The following TSPAN13 variants were observed in gnomAD, a reference collection of about 807,000 sequenced individuals.
TSPAN13 encodes the protein tetraspanin 13.
A neutral mutation model predicts 26.9 loss-of-function variants in TSPAN13; 18 were observed. The ratio of observed to expected loss-of-function variants is 0.67; its 90% CI spans 0.46 to 0.99. The LOEUF (loss-of-function observed/expected upper bound fraction) is 0.99. TSPAN13 is among the 50% of genes least tolerant of loss of function. The pLI, the probability that TSPAN13 is intolerant of heterozygous loss-of-function variation, is 0.00. For synonymous variants in TSPAN13, 116 were observed against 98.4 expected, an observed-to-expected ratio of 1.18 and a Z score of -1.06; for missense variants, 201 against 249.6, an observed-to-expected ratio of 0.81 and a Z score of 1.31.
At chr7:16,770,774 C>T (rs1037032333) in intron 1 of TSPAN13, among the ~76,000 whole-genome samples, 1 of 152,168 alleles carries the variant, frequency 6.6e-6, no homozygotes, top group African/African-American at 2.4e-5. Flanking sequence ...GCTTTTCTCC[C>T]CCAAATGCCG....
intron 3 of TSPAN13, among the ~76,000 whole-genome samples, chr7:16,777,351 G>C (rs1342420786): frequency 7.2e-5 from 11 of 152,036 alleles, no homozygotes. Context: ...GCTTTCACTG[G>C]GTTAAAAAGT....
At chr7:16,758,026 G>A (rs777434790) in intron 1 of TSPAN13, among the ~76,000 whole-genome samples, 1 of 152,034 alleles carries the variant, frequency 6.6e-6, no homozygotes, top group African/African-American at 2.4e-5. Flanking sequence ...GTAGAGACGG[G>A]GTTTCGCCGT....
intron 1 of TSPAN13, among the ~76,000 whole-genome samples, chr7:16,759,545 A>G (rs1258778911): frequency 2.0e-5 from 3 of 152,188 alleles, no homozygotes; most frequent in African/African-American, 7.2e-5. Flanking sequence ...ACATTTCAAC[A>G]TGAGATTTGG....
intron 1 of TSPAN13, among the ~76,000 whole-genome samples, chr7:16,772,379 A>G (rs1232339205): frequency 2.6e-5 from 4 of 152,156 alleles, no homozygotes; most frequent in African/African-American, 9.7e-5. Context: ...GACTCAAAAT[A>G]ACAGAAATTT....
chr7:16,773,902 A>G (rs184793669), intron 1 of TSPAN13, among the ~76,000 whole-genome samples: 71 of 152,344 alleles, frequency 4.7e-4, no homozygotes, highest in African/African-American at 1.6e-3. Flanking sequence ...CATCACACCC[A>G]GGACTTGGGT....
chr7:16,778,290 T>C (rs1339462407), intron 4 of TSPAN13, among the ~76,000 whole-genome samples: 2 of 152,256 alleles, frequency 1.3e-5, no homozygotes, highest in African/African-American at 2.4e-5. Flanking sequence ...GAGGCTTCTT[T>C]TGTGAGATTA....
In TSPAN13 at chr7:16,753,792, T is replaced by C; in HGVS notation, c.-176T>C. On this transcript the variant is annotated 5_prime_UTR_variant, in exon 1 of 6. Transcript: ENST00000262067. ...CGGCGGCCGCAGGTTCCAAAGCGGG[T>C]CCGAGCCGCCGCCGCGCGCGCGCCG... 1.9e-6 allele frequency: 1 copy of C among 516,926 alleles called. No homozygotes were observed. The highest frequency in any genetic ancestry group is 3.2e-6 in the Non-Finnish European group (1 of 308,754). The allele number at this position is 516,926 out of a possible 1,614,324, so 32.0% of individuals were successfully genotyped here.
intron 1 of TSPAN13, among the ~76,000 whole-genome samples, chr7:16,768,275 A>G (rs1784631320): frequency 6.6e-6 from 1 of 152,026 alleles, no homozygotes; most frequent in Non-Finnish European, 1.5e-5. Context: ...TGTCTCTCAC[A>G]TTTGTCTCGT....
At chr7:16,755,268 A>G (rs1457051707) in intron 1 of TSPAN13, among the ~76,000 whole-genome samples, 1 of 152,200 alleles carries the variant, frequency 6.6e-6, no homozygotes, top group Non-Finnish European at 1.5e-5. Context: ...AGGTTGGGTC[A>G]TTTTACCTTT....
intron 5 of TSPAN13, among the ~76,000 whole-genome samples, chr7:16,780,632 A>G (rs1045448851): frequency 1.3e-5 from 2 of 151,828 alleles, no homozygotes; most frequent in African/African-American, 2.4e-5. Context: ...AAACTGGAGT[A>G]ATTTCTCTCT....
chr7:16,776,188 C>T, intron 1 of TSPAN13, 23 bp from the exon 2 acceptor site: 2 of 1,611,118 alleles, frequency 1.2e-6, no homozygotes, highest in South Asian at 2.2e-5. Flanking sequence ...TCCTCTACCC[C>T]TGCCCCCTGG....
At chr7:16,762,473 C>T (rs1018299273) in intron 1 of TSPAN13, among the ~76,000 whole-genome samples, 1 of 152,134 alleles carries the variant, frequency 6.6e-6, no homozygotes, top group Admixed American at 6.5e-5. Flanking sequence ...CCAGGCCCTT[C>T]CCATCTTGGG....
At position 16,754,030 on chromosome 7, in the gene TSPAN13, C is replaced by T. The variant is rs779519006; in HGVS notation, c.63C>T (p.Thr21=). Residue 21 remains threonine (T), a splice_region_variant and synonymous_variant, in exon 1 of 6, where the codon ACC becomes ACT. Transcript: ENST00000262067. ...TGTGCGCCCTCAACCTGCTTTACAC[C>T]GTGAGTATCCCCAGTCCGTTCCTGC... ...NCLCALNLLY[T]LVSLLLIGIA... 5 of 1,613,562 alleles carry T rather than the reference C, an allele frequency of 3.1e-6. No individual in the cohort carries two copies. Among genetic ancestry groups the T allele is most frequent in the Non-Finnish European group, 2.5e-6 (3 of 1,179,772 alleles).
At chr7:16,773,335 G>GT (rs1373427133) in intron 1 of TSPAN13, among the ~76,000 whole-genome samples, 1 of 114,668 alleles carries the variant, frequency 8.7e-6, no homozygotes, top group Non-Finnish European at 1.9e-5. Context: ...ATTTTTGAAT[G>GT]TTAAAAAAAA....
intron 1 of TSPAN13, among the ~76,000 whole-genome samples, chr7:16,771,373 T>A (rs1784678128): frequency 6.6e-6 from 1 of 152,232 alleles, no homozygotes; most frequent in Non-Finnish European, 1.5e-5. Context: ...GTTCATATCC[T>A]AATCCTTGAA....
intron 1 of TSPAN13, among the ~76,000 whole-genome samples, chr7:16,773,027 A>G (rs1410932849): frequency 6.6e-6 from 1 of 151,944 alleles, no homozygotes; most frequent in South Asian, 2.1e-4. Context: ...AAATAAATAA[A>G]TAATAAATAC....
chr7:16,756,685 G>C (rs76697986), intron 1 of TSPAN13, among the ~76,000 whole-genome samples: 295 of 152,332 alleles, frequency 1.9e-3, no homozygotes, highest in African/African-American at 6.9e-3. Flanking sequence ...TACTGGACAA[G>C]CTTAAATTAG....
Position 16,783,711 on chromosome 7 carries a change from C to T in TSPAN13, c.*220C>T. On this transcript the variant is annotated 3_prime_UTR_variant, in exon 6 of 6. Transcript: ENST00000262067. The stretch of plus-strand genomic sequence containing the variant: ...TTGTGGTCTCTGAAGCTCGGTGGCA[C>T]CTGGAATTTACTGTATTCATTGTCG... The T allele has an allele frequency of 3.6e-6, 2 of 555,202 alleles. No individual in the cohort carries two copies. The highest frequency in any genetic ancestry group is 3.2e-6 in the Non-Finnish European group (1 of 313,836). 34.4% of individuals were successfully genotyped at this position (555,202 alleles called of 1,614,324 possible).
At chr7:16,763,087 C>T (rs1039309077) in intron 1 of TSPAN13, among the ~76,000 whole-genome samples, 1 of 152,132 alleles carries the variant, frequency 6.6e-6, no homozygotes, top group African/African-American at 2.4e-5. Context: ...GTAAAACTTA[C>T]ATTGGTGTTA....
Sources: allele counts gnomAD v4.1 joint callset (sites outside exome capture counted in the v4.1 genomes callset), GRCh38; gene constraint gnomAD v4.1.1; transcripts MANE v1.5; gene names NCBI Gene and HGNC (gene_info 2026-07-23, HGNC 2026-07-21).